SOX6: variants seen among roughly 807,000 people sequenced by gnomAD.
SOX6 encodes the protein transcription factor SOX-6.
In SOX6, 11 loss-of-function variants were observed where a neutral mutation model predicts 97.8. The ratio of observed to expected loss-of-function variants is 0.11; its 90% CI spans 0.07 to 0.19. The LOEUF (loss-of-function observed/expected upper bound fraction) is 0.19. SOX6 is among the 10% of genes least tolerant of loss of function. The pLI is 1.00. For synonymous variants in SOX6, 360 were observed against 371.4 expected (o/e 0.97, Z 0.35); for missense variants, 810 against 1,039.5 (o/e 0.78, Z 3.04).
chr11:16,533,453 G>T (rs936815840), intron 4 of SOX6, among the ~76,000 whole-genome samples: 3 of 151,938 alleles, frequency 2.0e-5, no homozygotes, highest in African/African-American at 7.2e-5. Context: ...TTTGAATTCT[G>T]AAGACGTTAA....
chr11:16,080,816 C>G (rs532435204), intron 9 of SOX6, among the ~76,000 whole-genome samples: 18 of 152,218 alleles, frequency 1.2e-4, no homozygotes, highest in Admixed American at 1.2e-3. Context: ...GACAGAGGAA[C>G]AGTTAGGTAG....
chr11:16,023,261 C>T (rs997002730), intron 12 of SOX6: 3 of 152,026 alleles, frequency 2.0e-5, no homozygotes, highest in African/African-American at 7.2e-5. Context: ...GTTTCTATGT[C>T]TGTTTCCAGT....
intron 3 of SOX6, among the ~76,000 whole-genome samples, chr11:16,697,079 C>T (rs570801387): frequency 6.6e-6 from 1 of 152,316 alleles, no homozygotes; most frequent in South Asian, 2.1e-4. Flanking sequence ...TGCAATTCCT[C>T]ACTGGTTCAA....
intron 1 of SOX6, among the ~76,000 whole-genome samples, chr11:16,421,002 T>C (rs556017408): frequency 4.6e-5 from 7 of 152,274 alleles, no homozygotes; most frequent in Middle Eastern, 3.4e-3. Context: ...AGATGTCTTA[T>C]TCAGATAACG....
chr11:16,589,521 A>G (rs564421944), intron 4 of SOX6, among the ~76,000 whole-genome samples: 2 of 152,294 alleles, frequency 1.3e-5, no homozygotes, highest in African/African-American at 4.8e-5. Context: ...CTTAAGGATA[A>G]TATTAATAAT....
intron 4 of SOX6, among the ~76,000 whole-genome samples, chr11:16,217,210 A>C (rs1338848184): frequency 6.6e-6 from 1 of 152,200 alleles, no homozygotes; most frequent in African/African-American, 2.4e-5. Context: ...TTAGACTAGA[A>C]AAATTTCTAG....
At chr11:16,373,093 T>C (rs1857535042) in intron 1 of SOX6, among the ~76,000 whole-genome samples, 1 of 152,068 alleles carries the variant, frequency 6.6e-6, no homozygotes, top group African/African-American at 2.4e-5. Flanking sequence ...TTATTCCTAA[T>C]AGTGTGTTAG....
intron 12 of SOX6, among the ~76,000 whole-genome samples, chr11:16,040,911 G>A (rs75903034): frequency 0.055 from 8,435 of 152,048 alleles, 611 homozygotes; most frequent in East Asian, 0.37. Flanking sequence ...ATTCATTGTC[G>A]TGACATAAAG....
chr11:16,505,662 C>A (rs781399809), intron 4 of SOX6, among the ~76,000 whole-genome samples: 10 of 152,192 alleles, frequency 6.6e-5, no homozygotes, highest in African/African-American at 1.4e-4. Flanking sequence ...ACCTTCATGG[C>A]AGCCTCTACC....
At chr11:16,114,139 G>A (rs1029221423) in intron 6 of SOX6, among the ~76,000 whole-genome samples, 3 of 152,120 alleles carry the variant, frequency 2.0e-5, no homozygotes, top group African/African-American at 7.2e-5. Context: ...AACCTTTAGA[G>A]CCTTTCCAAC....
intron 1 of SOX6, among the ~76,000 whole-genome samples, chr11:16,364,247 T>C (rs1210331787): frequency 6.6e-6 from 1 of 152,064 alleles, no homozygotes. Context: ...AGAACAAGAA[T>C]AACTATCCTA....
At chr11:16,294,515 C>A (rs527558794) in intron 3 of SOX6, among the ~76,000 whole-genome samples, 3 of 152,042 alleles carry the variant, frequency 2.0e-5, no homozygotes, top group Non-Finnish European at 4.4e-5. Flanking sequence ...AATCATCCTA[C>A]ATTAAGTGTT....
intron 9 of SOX6, among the ~76,000 whole-genome samples, chr11:16,061,066 T>C (rs1156500705): frequency 1.3e-5 from 2 of 151,742 alleles, no homozygotes; most frequent in East Asian, 1.9e-4. Context: ...ATATTTATTA[T>C]ATATGTGACA....
intron 4 of SOX6, among the ~76,000 whole-genome samples, chr11:16,232,493 T>A (rs1447543033): frequency 6.6e-6 from 1 of 152,058 alleles, no homozygotes; most frequent in Non-Finnish European, 1.5e-5. Flanking sequence ...AAGGCTAATT[T>A]TTCATGTGAT....
chr11:16,624,705 A>G (rs1311801513), intron 3 of SOX6, among the ~76,000 whole-genome samples: 1 of 152,216 alleles, frequency 6.6e-6, no homozygotes, highest in Non-Finnish European at 1.5e-5. Flanking sequence ...TGCCAAACCA[A>G]TTTCCAAAGT....
intron 9 of SOX6, among the ~76,000 whole-genome samples, chr11:16,092,950 C>A (rs1170140103): frequency 6.6e-6 from 1 of 151,822 alleles, no homozygotes; most frequent in Non-Finnish European, 1.5e-5. Flanking sequence ...TACATGACTG[C>A]CTCATTATAC....
intron 13 of SOX6, among the ~76,000 whole-genome samples, chr11:16,003,610 A>G (rs16932417): frequency 0.072 from 10,899 of 152,086 alleles, 446 homozygotes; most frequent in Non-Finnish European, 0.099. Context: ...TAAGGTAAAT[A>G]CTCAAATGCT....
rs779434122 is a variant in SOX6, at chr11:16,055,791, T to C, written c.1212A>G (p.Lys404=). The change falls in exon 10 of 16, where the codon AAA becomes AAG. Residue 404 remains lysine, a synonymous_variant. Transcript: ENST00000683767. ...TAGTVSPTGI[K]NEKRGTSPVT... is the part of the protein sequence containing the mutation. ...CAGGGCTGGTCCCTCTCTTTTCATT[T>C]TTTATCCCAGTAGGTGAGACCGTCC... is the stretch of plus-strand genomic sequence containing the variant. 3 of 1,613,786 alleles carry C rather than the reference T, an allele frequency of 1.9e-6. No homozygotes were observed. The Admixed American group carries it at 5.0e-5, about 27-fold the overall frequency.
chr11:16,719,542 A>G (rs1848243695), intron 2 of SOX6, among the ~76,000 whole-genome samples: 1 of 152,216 alleles, frequency 6.6e-6, no homozygotes, highest in African/African-American at 2.4e-5. Flanking sequence ...TTTCTTATGT[A>G]TCACCTAGAA....
Sources: gnomAD v4.1 joint callset for allele counts (sites outside exome capture counted in the v4.1 genomes callset) on GRCh38, gnomAD v4.1.1 for gene constraint, MANE v1.5 for transcripts, NCBI Gene and HGNC (gene_info 2026-07-23, HGNC 2026-07-21) for gene names.